The following TACC2 variants were observed in gnomAD, a reference collection of about 807,000 sequenced individuals.
TACC2 encodes the protein transforming acidic coiled-coil-containing protein 2.
Under a neutral mutation model 227.3 loss-of-function variants are expected in TACC2, and 137 were observed. That is an observed-to-expected ratio of 0.60 (90% confidence interval 0.52 to 0.69). The LOEUF is 0.69. TACC2 is among the 30% of genes least tolerant of loss of function. The probability of loss-of-function intolerance (pLI) is 0.00; values close to 1 mark genes in which losing one functional copy is unlikely to be tolerated. For synonymous variants in TACC2, 1,523 were observed against 1,487.5 expected (o/e 1.02, Z -0.55); for missense variants, 3,470 against 3,694.4 (o/e 0.94, Z 1.57).
chr10:122,136,733 T>A (rs955915859), intron 6 of TACC2, among the ~76,000 whole-genome samples: 2 of 151,990 alleles, frequency 1.3e-5, no homozygotes, highest in Non-Finnish European at 2.9e-5. Flanking sequence ...TTTGTATTTT[T>A]AGTATAGATG....
At chr10:122,088,039 C>A in intron 4 of TACC2, 80 bp downstream of exon 4, 1 of 1,407,340 alleles carries the variant, frequency 7.1e-7, no homozygotes, top group South Asian at 1.8e-5. Context: ...AGAAGTCAGT[C>A]GCATAGGTGA....
intron 7 of TACC2, among the ~76,000 whole-genome samples, chr10:122,148,072 C>T (rs879813074): frequency 1.4e-4 from 20 of 147,866 alleles, no homozygotes; most frequent in Non-Finnish European, 1.9e-4. Context: ...AAATGGAAGT[C>T]GTTATTCACC....
At chr10:122,173,002 A>G (rs2093552060) in intron 7 of TACC2, among the ~76,000 whole-genome samples, 1 of 152,182 alleles carries the variant, frequency 6.6e-6, no homozygotes, top group Non-Finnish European at 1.5e-5. Flanking sequence ...CTGTACCCAG[A>G]ACATCCTCAG....
chr10:122,021,959 G>C lies in TACC2; in HGVS notation c.-23G>C. On this transcript the variant is annotated 5_prime_UTR_variant, in exon 2 of 23. Coordinates refer to ENST00000369005, the MANE Select transcript of TACC2 (RefSeq NM_206862.4). ...CAGTCACCTCTGACAAAATTCTGGG[G>C]ACGCTGGGAACACTGAATCAACATG... The C allele has an allele frequency of 6.2e-7, 1 of 1,613,904 alleles. No homozygotes were observed. Among genetic ancestry groups the C allele is most frequent in the Non-Finnish European group, 8.5e-7 (1 of 1,179,854 alleles).
intron 1 of TACC2, among the ~76,000 whole-genome samples, chr10:121,991,238 G>A (rs896953260): frequency 6.6e-6 from 1 of 152,044 alleles, no homozygotes; most frequent in African/African-American, 2.4e-5. Flanking sequence ...CTTAAACATT[G>A]TATATTTTTA....
intron 2 of TACC2, among the ~76,000 whole-genome samples, chr10:122,036,480 A>G (rs997936261): frequency 7.0e-6 from 1 of 142,762 alleles, no homozygotes; most frequent in East Asian, 2.1e-4. Context: ...GGCATGCGCC[A>G]CCGTGCCTGG....
At position 122,005,114 on chromosome 10, in the gene TACC2, C is replaced by T. The variant is rs1193373450; in HGVS notation, c.-46+15626C>T. ...ATTTTTTTTTTGAGACAGAGTCTCA[C>T]CTTGTCGCCCAGGCTGGAGTGCAAT... On this transcript the variant is annotated intron_variant, in intron 1 of 22. Coordinates refer to ENST00000369005, the MANE Select transcript of TACC2 (RefSeq NM_206862.4). 3.3e-5 allele frequency among the ~76,000 whole-genome samples: 5 copies of T among 151,898 alleles called. No homozygotes were observed. The East Asian group carries it at 5.8e-4, about 18-fold the overall frequency.
chr10:122,042,102 C>T (rs985564238), intron 2 of TACC2, among the ~76,000 whole-genome samples: 7 of 152,022 alleles, frequency 4.6e-5, no homozygotes, highest in Middle Eastern at 3.4e-3. Flanking sequence ...CCCGCGACCA[C>T]GCCCGGCTAA....
chr10:122,047,858 C>T (rs532753370), intron 2 of TACC2, among the ~76,000 whole-genome samples: 1 of 152,198 alleles, frequency 6.6e-6, no homozygotes, highest in Non-Finnish European at 1.5e-5. Context: ...TATCCTTCAG[C>T]TAAAATGAAG....
chr10:122,165,046 G>A (rs180755424), intron 7 of TACC2, among the ~76,000 whole-genome samples: 1 of 152,104 alleles, frequency 6.6e-6, no homozygotes, highest in African/African-American at 2.4e-5. Context: ...TGGTTTTCTG[G>A]GCTCCAGCTC....
At chr10:122,044,197 C>T (rs1009247835) in intron 2 of TACC2, among the ~76,000 whole-genome samples, 10 of 152,250 alleles carry the variant, frequency 6.6e-5, no homozygotes, top group African/African-American at 2.4e-4. Context: ...GAAAACATTC[C>T]GTTTGCGGAA....
intron 5 of TACC2, among the ~76,000 whole-genome samples, chr10:122,109,416 C>T (rs1005139919): frequency 9.2e-5 from 14 of 152,148 alleles, no homozygotes; most frequent in African/African-American, 1.9e-4. Flanking sequence ...TCAGAATGCC[C>T]GGGAGCCAGG....
At chr10:122,055,478 A>G (rs1428167904) in intron 3 of TACC2, among the ~76,000 whole-genome samples, 2 of 152,334 alleles carry the variant, frequency 1.3e-5, no homozygotes, top group East Asian at 1.9e-4. Context: ...CAAACACTGC[A>G]TGTTCTCACT....
intron 7 of TACC2, among the ~76,000 whole-genome samples, chr10:122,187,390 C>G (rs1346011929): frequency 1.3e-5 from 2 of 152,212 alleles, no homozygotes; most frequent in African/African-American, 2.4e-5. Flanking sequence ...TTCCTGGCCT[C>G]CAGGGTCTCT....
At chr10:122,094,033 G>A (rs2137370086) in intron 5 of TACC2, among the ~76,000 whole-genome samples, 1 of 152,198 alleles carries the variant, frequency 6.6e-6, no homozygotes, top group Non-Finnish European at 1.5e-5. Context: ...ACCCTGCTTG[G>A]CCCACAAGGA....
At chr10:122,128,042 G>C (rs573058802) in intron 5 of TACC2, among the ~76,000 whole-genome samples, 3 of 152,242 alleles carry the variant, frequency 2.0e-5, no homozygotes, top group Admixed American at 2.0e-4. Flanking sequence ...AGAACTGCAA[G>C]GCAGAAGGTG....
intron 5 of TACC2, among the ~76,000 whole-genome samples, chr10:122,128,198 C>T (rs2087257537): frequency 1.3e-5 from 2 of 152,056 alleles, no homozygotes; most frequent in Admixed American, 6.6e-5. Context: ...AGAGAAGTCC[C>T]CTGGCTTAGA....
At chr10:122,010,698 G>A (rs1371616195) in intron 1 of TACC2, among the ~76,000 whole-genome samples, 1 of 152,156 alleles carries the variant, frequency 6.6e-6, no homozygotes, top group African/African-American at 2.4e-5. Flanking sequence ...GCATCCTTTG[G>A]GATACAATGC....
intron 18 of TACC2, among the ~76,000 whole-genome samples, chr10:122,239,215 G>A (rs986180714): frequency 2.2e-4 from 33 of 152,090 alleles, no homozygotes; most frequent in African/African-American, 7.5e-4. Context: ...TACCATGTTG[G>A]CCAGGCTGGT....
Sources: allele counts gnomAD v4.1 joint callset (sites outside exome capture counted in the v4.1 genomes callset), GRCh38; gene constraint gnomAD v4.1.1; transcripts MANE v1.5; gene names NCBI Gene and HGNC (gene_info 2026-07-23, HGNC 2026-07-21).